SUGCT: variants seen among roughly 807,000 people sequenced by gnomAD.
SUGCT encodes succinyl-CoA:glutarate CoA-transferase.
In SUGCT, 41 loss-of-function variants were observed where a neutral mutation model predicts 55.0. The ratio of observed to expected loss-of-function variants is 0.74; its 90% CI spans 0.58 to 0.97. SUGCT has a LOEUF of 0.97. Among genes scored for constraint, SUGCT ranks in the 50% least tolerant of loss-of-function variants. The pLI is 0.00. For synonymous variants in SUGCT, 187 were observed against 200.4 expected, an observed-to-expected ratio of 0.93 and a Z score of 0.56; for missense variants, 568 against 547.8, an observed-to-expected ratio of 1.04 and a Z score of -0.37.
At chr7:41,020,615 A>G in the SUGCT span, among the ~76,000 whole-genome samples, 1 of 152,198 alleles carries the variant, frequency 6.6e-6, no homozygotes, top group Non-Finnish European at 1.5e-5. Context: ...AGGAAATTCA[A>G]TGTTTTAATA....
intron 13 of SUGCT, among the ~76,000 whole-genome samples, chr7:40,784,222 T>A (rs951742394): frequency 4.6e-5 from 7 of 151,578 alleles, no homozygotes; most frequent in Non-Finnish European, 7.4e-5. Flanking sequence ...GTGTTGGGGG[T>A]GAGGGGGGTA....
rs958405711 is a variant in SUGCT at position 40,823,553 on chromosome 7, C to G, written c.1154-36763C>G. On this transcript the variant is annotated intron_variant, in intron 13 of 13. Transcript: ENST00000335693. ...CTACCATAGTTTTCCTTTTCCTCCA[C>G]CTAACTCTACTACACTGCTTATTAT... Among the ~76,000 whole-genome samples, 5 of 152,212 alleles carry G rather than the reference C, an allele frequency of 3.3e-5. No individual in the cohort carries two copies. In the South Asian group the frequency reaches 1.0e-3, roughly 32 times the overall value.
chr7:40,791,466 A>T (rs1342967098), intron 13 of SUGCT, among the ~76,000 whole-genome samples: 2 of 152,214 alleles, frequency 1.3e-5, no homozygotes, highest in Non-Finnish European at 2.9e-5. Context: ...CAGCAAATTC[A>T]GAGGCTGTGG....
chr7:40,244,021 A>G (rs1408915636), intron 7 of SUGCT, among the ~76,000 whole-genome samples: 1 of 151,892 alleles, frequency 6.6e-6, no homozygotes, highest in Non-Finnish European at 1.5e-5. Flanking sequence ...AAAAATACAA[A>G]AGTTAGCTGA....
At chr7:40,226,496 C>T (rs182917838) in intron 6 of SUGCT, among the ~76,000 whole-genome samples, 112 of 152,096 alleles carry the variant, frequency 7.4e-4, no homozygotes, top group Middle Eastern at 6.8e-3. Flanking sequence ...AGACCAAAAA[C>T]GCTAGAGAAC....
At chr7:40,609,892 C>T (rs1344528850) in intron 12 of SUGCT, among the ~76,000 whole-genome samples, 2 of 152,040 alleles carry the variant, frequency 1.3e-5, no homozygotes, top group African/African-American at 4.8e-5. Flanking sequence ...CCATTACTTT[C>T]AAATTTTCCT....
chr7:40,238,254 A>G (rs1286395601), intron 7 of SUGCT, among the ~76,000 whole-genome samples: 1 of 152,156 alleles, frequency 6.6e-6, no homozygotes, highest in Non-Finnish European at 1.5e-5. Context: ...AAATGTATCT[A>G]ATTTGTCATG....
chr7:40,704,144 C>T (rs933570677), intron 12 of SUGCT, among the ~76,000 whole-genome samples: 2 of 152,204 alleles, frequency 1.3e-5, no homozygotes, highest in Non-Finnish European at 2.9e-5. Flanking sequence ...ATGGGAGTTT[C>T]CCATCACTCT....
chr7:40,607,979 A>G (rs889769104), intron 12 of SUGCT, among the ~76,000 whole-genome samples: 23 of 152,192 alleles, frequency 1.5e-4, no homozygotes, highest in African/African-American at 5.5e-4. Context: ...TATTTCCAAG[A>G]TGGGCTTCAG....
At chr7:40,989,015 AATG>A in the SUGCT span, among the ~76,000 whole-genome samples, 5 of 152,162 alleles carry the variant, frequency 3.3e-5, no homozygotes, top group East Asian at 1.9e-4. Context: ...TGCAAATAAA[AATG>A]ATATTTACAC....
At chr7:40,560,199 T>C (rs1795763617) in intron 12 of SUGCT, among the ~76,000 whole-genome samples, 1 of 152,006 alleles carries the variant, frequency 6.6e-6, no homozygotes. Flanking sequence ...ATCACATGAG[T>C]GTTTAGTTAG....
At chr7:40,999,280 TGAG>T in the SUGCT span, among the ~76,000 whole-genome samples, 1 of 151,516 alleles carries the variant, frequency 6.6e-6, no homozygotes, top group African/African-American at 2.4e-5. Flanking sequence ...CAACCATCAC[TGAG>T]GAGATGAAAA....
chr7:40,149,791 C>T (rs540526341), intron 1 of SUGCT, among the ~76,000 whole-genome samples: 60 of 152,232 alleles, frequency 3.9e-4, no homozygotes, highest in Admixed American at 2.2e-3. Flanking sequence ...TGATGGCAGG[C>T]GCCTGTAATC....
intron 12 of SUGCT, among the ~76,000 whole-genome samples, chr7:40,622,528 GT>G (rs370877783): frequency 0.15 from 12,553 of 82,200 alleles, 439 homozygotes; most frequent in Admixed American, 0.2. Context: ...TGTTGTGGTT[GT>G]TTTTTTTTTT....
intron 3 of SUGCT, 79 bp downstream of exon 3, chr7:40,182,107 G>A (rs1785246795): frequency 2.5e-6 from 2 of 813,484 alleles, no homozygotes; most frequent in East Asian, 5.4e-5. Flanking sequence ...CCCATGTTTA[G>A]TGTACCTATA....
chr7:40,376,675 A>G (rs1267801232), intron 9 of SUGCT, among the ~76,000 whole-genome samples: 1 of 151,990 alleles, frequency 6.6e-6, no homozygotes, highest in African/African-American at 2.4e-5. Flanking sequence ...TACAGGCGTG[A>G]GCTACTGTGC....
chr7:40,309,415 C>T (rs1795021961), intron 8 of SUGCT, among the ~76,000 whole-genome samples: 1 of 152,162 alleles, frequency 6.6e-6, no homozygotes, highest in South Asian at 2.1e-4. Context: ...CTGCCTCAGC[C>T]TTCCGTGTAG....
chr7:40,293,347 T>C (rs1045740570), intron 8 of SUGCT, among the ~76,000 whole-genome samples: 6 of 152,196 alleles, frequency 3.9e-5, no homozygotes, highest in African/African-American at 7.2e-5. Context: ...TGGCTGCCCA[T>C]TGGAATCACC....
chr7:40,509,766 T>A (rs1381326900), intron 12 of SUGCT, among the ~76,000 whole-genome samples: 1 of 152,168 alleles, frequency 6.6e-6, no homozygotes, highest in African/African-American at 2.4e-5. Flanking sequence ...ACTTGTTTGC[T>A]GGTATTTGAA....
Sources: allele counts gnomAD v4.1 joint callset (sites outside exome capture counted in the v4.1 genomes callset), GRCh38; gene constraint gnomAD v4.1.1; transcripts MANE v1.5; gene names NCBI Gene and HGNC (gene_info 2026-07-23, HGNC 2026-07-21).